ST7: variants seen among roughly 807,000 people sequenced by gnomAD.
The protein encoded by ST7 is suppression of tumorigenicity 7.
A neutral mutation model predicts 78.7 loss-of-function variants in ST7; 28 were observed. That is an observed-to-expected ratio of 0.36 (90% CI 0.26 to 0.49). ST7 has a LOEUF of 0.49. Ranked by LOEUF, ST7 falls within the 20% of genes least tolerant of loss-of-function variation. The pLI, the probability that ST7 is intolerant of heterozygous loss-of-function variation, is 0.99. For missense variants in ST7, 418 were observed against 696.0 expected (o/e 0.60, Z 4.49); for synonymous variants, 247 against 249.6 (o/e 0.99, Z 0.10).
At chr7:117,142,195 A>G (rs1805371783) in intron 9 of ST7, among the ~76,000 whole-genome samples, 1 of 152,038 alleles carries the variant, frequency 6.6e-6, no homozygotes, top group Admixed American at 6.6e-5. Flanking sequence ...TAGATTTGGA[A>G]TGAATGTCAT....
chr7:116,962,181 T>A (rs1792870144), intron 1 of ST7, among the ~76,000 whole-genome samples: 1 of 152,238 alleles, frequency 6.6e-6, no homozygotes, highest in Non-Finnish European at 1.5e-5. Context: ...TTATCCAGTC[T>A]ATCATTGATG....
intron 1 of ST7, among the ~76,000 whole-genome samples, chr7:117,050,214 CAA>C (rs201920808): frequency 2.1e-4 from 23 of 111,858 alleles, no homozygotes; most frequent in African/African-American, 1.4e-4. Context: ...GACTCCGTCT[CAA>C]AAAAAAAAAA....
intron 1 of ST7, chr7:116,956,600 G>A: frequency 2.1e-6 from 1 of 471,202 alleles, no homozygotes; most frequent in South Asian, 1.5e-5. Context: ...GCCCAGCTCT[G>A]TACCTGTAGG....
intron 1 of ST7, among the ~76,000 whole-genome samples, chr7:116,987,775 G>A (rs1417375430): frequency 6.6e-6 from 1 of 152,218 alleles, no homozygotes; most frequent in African/African-American, 2.4e-5. Flanking sequence ...CCAGGCTGGA[G>A]TGCAATGGGG....
At chr7:117,050,559 T>C (rs1268122054) in intron 1 of ST7, among the ~76,000 whole-genome samples, 2 of 152,380 alleles carry the variant, frequency 1.3e-5, no homozygotes, top group East Asian at 1.9e-4. Flanking sequence ...AATTTGTGTA[T>C]ATTTTATGGT....
chr7:117,203,735 C>G (rs1563165851), intron 12 of ST7, among the ~76,000 whole-genome samples: 1 of 152,162 alleles, frequency 6.6e-6, no homozygotes, highest in African/African-American at 2.4e-5. Context: ...TCTCCTCTCT[C>G]TCTCCCTCCT....
intron 1 of ST7, among the ~76,000 whole-genome samples, chr7:117,064,035 T>C (rs1191863967): frequency 1.3e-5 from 2 of 152,224 alleles, no homozygotes; most frequent in East Asian, 3.8e-4. Context: ...AAATAATAGC[T>C]ATGACAACAC....
At chr7:116,972,807 A>T in intron 1 of ST7, 1 of 983,284 alleles carries the variant, frequency 1.0e-6, no homozygotes, top group Non-Finnish European at 1.6e-6. Context: ...TTTCTCCCTC[A>T]ACTTCTCACT....
Position 117,229,641 on chromosome 7 carries a change from G to A in ST7, c.1639-121G>A, listed in dbSNP as rs1039837168. On this transcript the variant is annotated intron_variant, in intron 15 of 15. Coordinates refer to ENST00000323984, the MANE Select transcript of ST7 (RefSeq NM_001369598.1). ...TTTCCTGTAAACATAAAGATGAAAT[G>A]GTTGCCTTTTGAGACTTTCGTAATG... 5 of 762,514 alleles carry A rather than the reference G, an allele frequency of 6.6e-6. No individual in the cohort carries two copies. The African/African-American group carries it at 8.7e-5, about 13-fold the overall frequency. 47.2% of individuals were successfully genotyped at this position (762,514 alleles called of 1,614,324 possible). A position where few individuals can be genotyped will look rare whatever the true frequency, so the allele number is the denominator to read the frequency against.
chr7:117,088,847 G>A (rs1800367584), intron 1 of ST7, among the ~76,000 whole-genome samples: 1 of 152,134 alleles, frequency 6.6e-6, no homozygotes, highest in Non-Finnish European at 1.5e-5. Context: ...CCCCATAAGA[G>A]CATGTAATAG....
intron 9 of ST7, among the ~76,000 whole-genome samples, chr7:117,147,293 T>C (rs1805869834): frequency 6.6e-6 from 1 of 152,172 alleles, no homozygotes; most frequent in Non-Finnish European, 1.5e-5. Flanking sequence ...ATGAACATCC[T>C]TGTAGACATG....
chr7:117,116,110 C>G (rs1802861663), intron 2 of ST7, among the ~76,000 whole-genome samples: 1 of 152,180 alleles, frequency 6.6e-6, no homozygotes, highest in Non-Finnish European at 1.5e-5. Flanking sequence ...CTGTTGACTT[C>G]CTAAATCCCA....
At position 117,098,911 on chromosome 7, in the gene ST7, G is replaced by A. The variant is rs1243212133; in HGVS notation, c.152-851G>A. On this transcript the variant is annotated intron_variant, in intron 1 of 15. Coordinates refer to ENST00000323984, the MANE Select transcript of ST7 (RefSeq NM_001369598.1). The stretch of plus-strand genomic sequence containing the variant: ...AAATATATGTATAAAATACTTGTAA[G>A]TGAACCCTAATCAGTGAGCAACAAG... The A allele has an allele frequency of 5.3e-6, 6 of 1,125,796 alleles. No homozygotes were observed. The East Asian group carries it at 3.5e-4, about 67-fold the overall frequency. 69.7% of individuals were successfully genotyped at this position (1,125,796 alleles called of 1,614,324 possible).
At chr7:117,152,401 G>C (rs1404099058) in intron 9 of ST7, among the ~76,000 whole-genome samples, 1 of 151,434 alleles carries the variant, frequency 6.6e-6, no homozygotes, top group African/African-American at 2.4e-5. Flanking sequence ...TTCTGTCTCT[G>C]CCAACTCCAA....
intron 3 of ST7, among the ~76,000 whole-genome samples, chr7:117,124,662 C>T (rs1313421600): frequency 6.6e-6 from 1 of 152,126 alleles, no homozygotes; most frequent in South Asian, 2.1e-4. Flanking sequence ...TGGGGTCAGA[C>T]AGATGTGGTC....
At chr7:117,225,398 C>G in intron 15 of ST7, among the ~76,000 whole-genome samples, 1 of 152,186 alleles carries the variant, frequency 6.6e-6, no homozygotes, top group Non-Finnish European at 1.5e-5. Flanking sequence ...ATTTCAACCT[C>G]TATCTGGAGA....
At chr7:116,969,138 C>T (rs979638236) in intron 1 of ST7, among the ~76,000 whole-genome samples, 1 of 152,154 alleles carries the variant, frequency 6.6e-6, no homozygotes, top group African/African-American at 2.4e-5. Flanking sequence ...GGCAGTTTTT[C>T]AGACTTTCCT....
At chr7:117,172,712 A>G (rs964215800) in intron 10 of ST7, among the ~76,000 whole-genome samples, 6 of 152,222 alleles carry the variant, frequency 3.9e-5, no homozygotes, top group African/African-American at 1.4e-4. Flanking sequence ...ATTCAGTCCC[A>G]TGGCCATGGG....
At chr7:117,158,575 G>T (rs1455640149) in intron 9 of ST7, among the ~76,000 whole-genome samples, 1 of 152,180 alleles carries the variant, frequency 6.6e-6, no homozygotes, top group Non-Finnish European at 1.5e-5. Context: ...TGAACATGCG[G>T]ATCATATATT....
Sources: gnomAD v4.1 joint callset for allele counts (sites outside exome capture counted in the v4.1 genomes callset) on GRCh38, gnomAD v4.1.1 for gene constraint, MANE v1.5 for transcripts, NCBI Gene and HGNC (gene_info 2026-07-23, HGNC 2026-07-21) for gene names.